Variants in SMIM21 observed in about 807,000 individuals in gnomAD.
SMIM21 encodes the protein small integral membrane protein 21, also known as chromosome 18 open reading frame 62.
Under a neutral mutation model 8.6 loss-of-function variants are expected in SMIM21, and 8 were observed. The observed-to-expected ratio is 0.93, with a 90% CI of 0.55 to 1.68. The LOEUF is 1.68. Ranked by LOEUF, SMIM21 falls within the 40% of genes most tolerant of loss-of-function variation. The probability of loss-of-function intolerance (pLI) is 0.00; values close to 1 mark genes in which losing one functional copy is unlikely to be tolerated. For synonymous variants in SMIM21, 43 were observed against 41.7 expected (o/e 1.03, Z -0.12); for missense variants, 132 against 123.0 (o/e 1.07, Z -0.35).
rs915886943 is a variant in SMIM21, at chr18:75,409,837, C to T, written c.*1027G>A. On this transcript the variant is annotated 3_prime_UTR_variant, in exon 3 of 3. Coordinates refer to ENST00000579022, the MANE Select transcript of SMIM21 (RefSeq NM_001037331.3). ...TCAGGTGGATTTGCCCTTTGGTCGTCAGGCTGCACTGTGAGTTCTGAATCC... is the reference window on the plus strand; with the variant it reads ...TCAGGTGGATTTGCCCTTTGGTCGTTAGGCTGCACTGTGAGTTCTGAATCC... The T allele has an allele frequency of 4.8e-4, 73 of 152,446 alleles. No individual in the cohort carries two copies. The highest frequency in any genetic ancestry group is 1.7e-3 in the African/African-American group (69 of 41,448). The allele number at this position is 152,446 out of a possible 1,614,324, so 9.4% of individuals were successfully genotyped here.
chr18:75,416,889 A>T (rs1266903397), intron 2 of SMIM21: 1 of 152,064 alleles, frequency 6.6e-6, no homozygotes, highest in Non-Finnish European at 1.5e-5. Context: ...GTAAGTTGGG[A>T]GGCTTTTCAA....
At chr18:75,420,994 A>C (rs907169628) in intron 1 of SMIM21, among the ~76,000 whole-genome samples, 1 of 152,142 alleles carries the variant, frequency 6.6e-6, no homozygotes, top group African/African-American at 2.4e-5. Flanking sequence ...TAAGAGCATG[A>C]ACAATATTCT....
rs1272975453 is a variant in SMIM21, at chr18:75,427,354, G to A, written c.129+81C>T. 3 of 1,443,116 alleles carry A rather than the reference G, an allele frequency of 2.1e-6. No homozygotes were observed. In the Admixed American group the frequency reaches 6.1e-5, roughly 29 times the overall value. The allele number at this position is 1,443,116 out of a possible 1,614,324, so 89.4% of individuals were successfully genotyped here. ...GACAGAGCACTCACAGGAGATTGGG[G>A]CAAAAGAGTGCTTTGTAGGACCATA... is the stretch of plus-strand genomic sequence containing the variant. On this transcript the variant is annotated intron_variant, in intron 1 of 2. Transcript: ENST00000579022.
intron 2 of SMIM21, among the ~76,000 whole-genome samples, chr18:75,414,140 C>CAG (rs1445160218): frequency 6.6e-6 from 1 of 150,878 alleles, no homozygotes; most frequent in Non-Finnish European, 1.5e-5. Context: ...CACACACACA[C>CAG]AGTCATTATC....
chr18:75,410,581 G>A lies in SMIM21; in HGVS notation c.*283C>T. ...TAATGAAGAAGTTCTTTGCACTGCT[G>A]GATCTGTTTCGACACGCAGGGCAGA... On this transcript the variant is annotated 3_prime_UTR_variant, in exon 3 of 3. Transcript: ENST00000579022. 1.8e-6 allele frequency: 1 copy of A among 562,262 alleles called. No individual in the cohort carries two copies. The highest frequency in any genetic ancestry group is 3.7e-5 in the South Asian group (1 of 26,912). 34.8% of individuals were successfully genotyped at this position (562,262 alleles called of 1,614,324 possible). A position where few individuals can be genotyped will look rare whatever the true frequency, so the allele number is the denominator to read the frequency against.
chr18:75,425,076 G>T (rs1158830493), intron 1 of SMIM21, among the ~76,000 whole-genome samples: 2 of 152,188 alleles, frequency 1.3e-5, no homozygotes, highest in African/African-American at 4.8e-5. Context: ...TGTGACAGAT[G>T]ATACAAATGT....
At chr18:75,425,903 G>A (rs571877742) in intron 1 of SMIM21, among the ~76,000 whole-genome samples, 1 of 152,242 alleles carries the variant, frequency 6.6e-6, no homozygotes, top group Non-Finnish European at 1.5e-5. Context: ...CCCTGAGGTG[G>A]GGGCCCCTGC....
rs754499471 is a variant in SMIM21 at position 75,410,576 on chromosome 18, CT to C, written c.*287del. 7.5e-5 allele frequency: 40 copies of C among 535,546 alleles called. No homozygotes were observed. Among genetic ancestry groups the C allele is most frequent in the Non-Finnish European group, 1.2e-4 (39 of 332,508 alleles). 33.2% of individuals were successfully genotyped at this position (535,546 alleles called of 1,614,324 possible). ...TGTCCTAATGAAGAAGTTCTTTGCA[CT>C]GCTGGATCTGTTTCGACACGCAGGG... On this transcript the variant is annotated 3_prime_UTR_variant, in exon 3 of 3. Coordinates refer to ENST00000579022, the MANE Select transcript of SMIM21 (RefSeq NM_001037331.3).
rs79209778 is a variant in SMIM21 at position 75,419,027 on chromosome 18, G to A, written c.130-111C>T. ...AATTAATTTTGTTTAAAATAAATAA[G>A]TTTATATATTTAAGGTCGTGTTTCA... On this transcript the variant is annotated intron_variant, in intron 1 of 2. Coordinates refer to ENST00000579022, the MANE Select transcript of SMIM21 (RefSeq NM_001037331.3). The A allele has an allele frequency of 3.7e-3, 2,237 of 611,392 alleles. 54 individuals are homozygous for A. The African/African-American group carries it at 0.037, about 10-fold the overall frequency. 37.9% of individuals were successfully genotyped at this position (611,392 alleles called of 1,614,324 possible).
intron 2 of SMIM21, chr18:75,418,335 A>T: frequency 2.5e-6 from 1 of 394,062 alleles, no homozygotes; most frequent in East Asian, 3.6e-5. Context: ...AATAAACTCA[A>T]AGAAGGGCTG....
Position 75,410,916 on chromosome 18 carries a change from G to T in SMIM21, c.261-7C>A. On this transcript the variant is annotated splice_region_variant and splice_polypyrimidine_tract_variant and intron_variant, in intron 2 of 2. Coordinates refer to ENST00000579022, the MANE Select transcript of SMIM21 (RefSeq NM_001037331.3). ...TGACTTCAAACGTAGAAAGCTGCAAGAGACAAAAGGGGGAAAAAGCATTTT... is the reference window on the plus strand; with the variant it reads ...TGACTTCAAACGTAGAAAGCTGCAATAGACAAAAGGGGGAAAAAGCATTTT... 1 of 1,613,970 alleles carries T rather than the reference G, an allele frequency of 6.2e-7. No homozygotes were observed. Among genetic ancestry groups the T allele is most frequent in the Non-Finnish European group, 8.5e-7 (1 of 1,179,962 alleles).
chr18:75,427,427 A>G lies in SMIM21; in HGVS notation c.129+8T>C, dbSNP rs1196130437. 1.9e-6 allele frequency: 3 copies of G among 1,613,116 alleles called. No homozygotes were observed. The Admixed American group carries it at 5.0e-5, about 27-fold the overall frequency. On this transcript the variant is annotated splice_region_variant and intron_variant, in intron 1 of 2. Coordinates refer to ENST00000579022, the MANE Select transcript of SMIM21 (RefSeq NM_001037331.3). Reference sequence around the variant, plus strand: ...TCATAACCCAAAGTTAAAGACCCATAAACTCACTGTGGTAAGTGCTTTCTT... The same window carrying G: ...TCATAACCCAAAGTTAAAGACCCATGAACTCACTGTGGTAAGTGCTTTCTT...
At chr18:75,416,046 T>C (rs553339998) in intron 2 of SMIM21, 2 of 152,234 alleles carry the variant, frequency 1.3e-5, no homozygotes, top group Non-Finnish European at 2.9e-5. Flanking sequence ...TTTTATTTTT[T>C]GTTAGATCCG....
At chr18:75,418,941 A>C (rs767809088) in intron 1 of SMIM21, 25 bp from the exon 2 acceptor site, 1 of 1,519,662 alleles carries the variant, frequency 6.6e-7, no homozygotes, top group Non-Finnish European at 9.1e-7. Flanking sequence ...AATTACAGTT[A>C]CTATTTACAG....
intron 1 of SMIM21, among the ~76,000 whole-genome samples, chr18:75,420,928 G>C (rs914487440): frequency 1.3e-5 from 2 of 152,298 alleles, no homozygotes; most frequent in Admixed American, 6.5e-5. Context: ...AGTAGTGAGA[G>C]AGTAGTACTT....
At chr18:75,422,070 G>A (rs1196701033) in intron 1 of SMIM21, among the ~76,000 whole-genome samples, 1 of 152,126 alleles carries the variant, frequency 6.6e-6, no homozygotes, top group Non-Finnish European at 1.5e-5. Context: ...ACTCCTTGGG[G>A]AACCGGCTTG....
At chr18:75,416,847 G>C (rs938783966) in intron 2 of SMIM21, 2 of 152,014 alleles carry the variant, frequency 1.3e-5, no homozygotes, top group Non-Finnish European at 2.9e-5. Flanking sequence ...GTCTGGTGCC[G>C]AACTCTTACT....
chr18:75,411,804 T>C (rs1490038559), intron 2 of SMIM21, among the ~76,000 whole-genome samples: 1 of 152,236 alleles, frequency 6.6e-6, no homozygotes, highest in Non-Finnish European at 1.5e-5. Context: ...ATTAATTTCA[T>C]CCTACAAACT....
chr18:75,427,144 G>T (rs1426765305), intron 1 of SMIM21, among the ~76,000 whole-genome samples: 1 of 152,196 alleles, frequency 6.6e-6, no homozygotes, highest in African/African-American at 2.4e-5. Flanking sequence ...GTAGGGGAGA[G>T]ATCATTGACT....
Sources: gnomAD v4.1 joint callset for allele counts (sites outside exome capture counted in the v4.1 genomes callset) on GRCh38, gnomAD v4.1.1 for gene constraint, MANE v1.5 for transcripts, NCBI Gene and HGNC (gene_info 2026-07-23, HGNC 2026-07-21) for gene names.